Variants in DDR2 observed in about 807,000 individuals in gnomAD.
DDR2 encodes the protein discoidin domain-containing receptor 2.
Under a neutral mutation model 94.9 loss-of-function variants are expected in DDR2, and 27 were observed. The observed-to-expected ratio is 0.28, with a 90% confidence interval of 0.21 to 0.39. The LOEUF (loss-of-function observed/expected upper bound fraction) is 0.39, where lower values mean the gene tolerates loss of function less well. DDR2 is among the 10% of genes least tolerant of loss of function. The probability of loss-of-function intolerance (pLI) is 1.00; values close to 1 mark genes in which losing one functional copy is unlikely to be tolerated. For missense variants in DDR2, 783 were observed against 1,076.0 expected (o/e 0.73, Z 3.81); for synonymous variants, 382 against 377.2 (o/e 1.01, Z -0.15).
At chr1:162,703,868 A>C (rs2102000469) in intron 2 of DDR2, among the ~76,000 whole-genome samples, 1 of 152,204 alleles carries the variant, frequency 6.6e-6, no homozygotes, top group Middle Eastern at 3.4e-3. Context: ...AATGAGTTTG[A>C]TACTTTGTGC....
chr1:162,760,561 TAG>T (rs374442978), intron 8 of DDR2, among the ~76,000 whole-genome samples: 2 of 148,002 alleles, frequency 1.4e-5, no homozygotes, highest in Admixed American at 1.4e-4. Flanking sequence ...CATATACAAC[TAG>T]ATATATGTAT....
chr1:162,704,185 T>C lies in DDR2; in HGVS notation c.-27-14852T>C, dbSNP rs150998132. Among the ~76,000 whole-genome samples the C allele has an allele frequency of 2.3e-3, 346 of 152,312 alleles. 3 individuals carry two copies. The highest frequency in any genetic ancestry group is 8.0e-3 in the African/African-American group (331 of 41,562). Reference sequence around the variant, plus strand: ...ATTTTCTATTCTGGCAGAGGTACCATTTATTATGGGGTAGATGGGATATAG... The same window carrying C: ...ATTTTCTATTCTGGCAGAGGTACCACTTATTATGGGGTAGATGGGATATAG... On this transcript the variant is annotated intron_variant, in intron 2 of 17. Coordinates refer to ENST00000367921, the MANE Select transcript of DDR2 (RefSeq NM_006182.4).
intron 2 of DDR2, among the ~76,000 whole-genome samples, chr1:162,690,654 A>G (rs1161599078): frequency 6.6e-6 from 1 of 150,878 alleles, no homozygotes; most frequent in Non-Finnish European, 1.5e-5. Context: ...ACATCTTTTT[A>G]TAAACATAAA....
At chr1:162,633,952 G>T (rs1035680748) in intron 1 of DDR2, among the ~76,000 whole-genome samples, 1 of 152,192 alleles carries the variant, frequency 6.6e-6, no homozygotes, top group African/African-American at 2.4e-5. Flanking sequence ...TTAGAGAAGC[G>T]AAATGAGTTG....
At chr1:162,715,686 T>G (rs902392503) in intron 2 of DDR2, among the ~76,000 whole-genome samples, 2 of 152,216 alleles carry the variant, frequency 1.3e-5, no homozygotes, top group East Asian at 3.8e-4. Flanking sequence ...ACCTATCAGG[T>G]GTGTAACCTG....
chr1:162,714,997 T>C (rs2102021552), intron 2 of DDR2, among the ~76,000 whole-genome samples: 1 of 152,346 alleles, frequency 6.6e-6, no homozygotes, highest in African/African-American at 2.4e-5. Context: ...CTTCCATGTA[T>C]ACTTTTGAGT....
chr1:162,665,020 A>T (rs910849431), intron 2 of DDR2, among the ~76,000 whole-genome samples: 6 of 152,254 alleles, frequency 3.9e-5, no homozygotes, highest in Admixed American at 2.6e-4. Flanking sequence ...TTACATATAC[A>T]GAATTGGTTT....
In DDR2 at chr1:162,655,333, T is replaced by A. The variant is rs970604119; in HGVS notation, c.-69T>A. The A allele has an allele frequency of 5.3e-5, 8 of 152,206 alleles. No individual in the cohort carries two copies. The highest frequency in any genetic ancestry group is 1.9e-4 in the African/African-American group (8 of 41,434). 9.4% of individuals were successfully genotyped at this position (152,206 alleles called of 1,614,324 possible). Reference sequence around the variant, plus strand: ...GAAGAGAAGCAGAGGCCAGCTGTTTTTGAGGATCCTGCTCCACAGAGAATG... The same window carrying A: ...GAAGAGAAGCAGAGGCCAGCTGTTTATGAGGATCCTGCTCCACAGAGAATG... On this transcript the variant is annotated 5_prime_UTR_variant, in exon 2 of 18. It adds an upstream start codon to the 5' untranslated region. Transcript: ENST00000367921.
chr1:162,705,623 C>T (rs901811950), intron 2 of DDR2, among the ~76,000 whole-genome samples: 3 of 152,120 alleles, frequency 2.0e-5, no homozygotes, highest in Non-Finnish European at 2.9e-5. Flanking sequence ...CCTTGGAACT[C>T]CTCCATTTTC....
At chr1:162,683,558 C>A (rs762737888) in intron 2 of DDR2, among the ~76,000 whole-genome samples, 3 of 151,886 alleles carry the variant, frequency 2.0e-5, no homozygotes, top group Non-Finnish European at 4.4e-5. Flanking sequence ...CATGCTGACA[C>A]CAGAATAAGA....
chr1:162,775,633 A>G lies in DDR2; in HGVS notation c.1857-19A>G, dbSNP rs376052666. On this transcript the variant is annotated intron_variant, in intron 14 of 17. Coordinates refer to ENST00000367921, the MANE Select transcript of DDR2 (RefSeq NM_006182.4). ...ACTCTGGCAACTTCTGAGTTTATCT[A>G]TGTCTGTATCCTCCCAAGGAATGAT... is the stretch of plus-strand genomic sequence containing the variant. The G allele has an allele frequency of 5.6e-6, 9 of 1,613,436 alleles. No homozygotes were observed. The African/African-American group carries it at 1.1e-4, about 19-fold the overall frequency.
intron 4 of DDR2, among the ~76,000 whole-genome samples, chr1:162,753,727 G>C (rs1178123685): frequency 6.6e-6 from 1 of 152,172 alleles, no homozygotes; most frequent in Non-Finnish European, 1.5e-5. Flanking sequence ...ACAGAGTGTG[G>C]CAGTTTCCTG....
At chr1:162,696,375 C>G (rs1304014238) in intron 2 of DDR2, among the ~76,000 whole-genome samples, 1 of 152,034 alleles carries the variant, frequency 6.6e-6, no homozygotes, top group Non-Finnish European at 1.5e-5. Flanking sequence ...AGAGCAGGAA[C>G]AGCTGGCCAT....
At chr1:162,744,752 C>T (rs1364813952) in intron 3 of DDR2, among the ~76,000 whole-genome samples, 1 of 151,830 alleles carries the variant, frequency 6.6e-6, no homozygotes, top group Non-Finnish European at 1.5e-5. Flanking sequence ...TACTTATCTG[C>T]TGATAGTCAT....
intron 3 of DDR2, among the ~76,000 whole-genome samples, chr1:162,732,680 G>A (rs552968958): frequency 6.6e-6 from 1 of 152,384 alleles, no homozygotes; most frequent in Non-Finnish European, 1.5e-5. Flanking sequence ...AGTCAGTCTT[G>A]TCTGGGCCCA....
At chr1:162,691,496 A>C (rs1246383577) in intron 2 of DDR2, among the ~76,000 whole-genome samples, 1 of 152,206 alleles carries the variant, frequency 6.6e-6, no homozygotes, top group Non-Finnish European at 1.5e-5. Context: ...TCCTAAAAGG[A>C]GTGATAGGTG....
intron 2 of DDR2, among the ~76,000 whole-genome samples, chr1:162,701,667 A>C (rs1660436622): frequency 6.6e-6 from 1 of 152,240 alleles, no homozygotes; most frequent in Non-Finnish European, 1.5e-5. Flanking sequence ...AAGTAAGATG[A>C]TTAGTCAGCC....
At chr1:162,676,773 C>T (rs1659147399) in intron 2 of DDR2, among the ~76,000 whole-genome samples, 1 of 152,112 alleles carries the variant, frequency 6.6e-6, no homozygotes, top group Non-Finnish European at 1.5e-5. Context: ...CCACCCCTTC[C>T]ACAGATGACG....
chr1:162,726,431 G>A (rs2102046622), intron 3 of DDR2, among the ~76,000 whole-genome samples: 1 of 152,260 alleles, frequency 6.6e-6, no homozygotes, highest in South Asian at 2.1e-4. Context: ...ATCCAAAGTA[G>A]CCAGGTGAAT....
Sources: allele counts gnomAD v4.1 joint callset (sites outside exome capture counted in the v4.1 genomes callset), GRCh38; gene constraint gnomAD v4.1.1; transcripts MANE v1.5; gene names NCBI Gene and HGNC (gene_info 2026-07-23, HGNC 2026-07-21).